KCNMA1: variants seen among roughly 807,000 people sequenced by gnomAD.
KCNMA1 encodes potassium calcium-activated channel subfamily M alpha 1.
Under a neutral mutation model 140.0 loss-of-function variants are expected in KCNMA1, and 29 were observed. That is an observed-to-expected ratio of 0.21 (90% CI 0.15 to 0.28). KCNMA1 has a LOEUF of 0.28. Among genes scored for constraint, KCNMA1 ranks in the 10% least tolerant of loss-of-function variants. The pLI, the probability that KCNMA1 is intolerant of heterozygous loss-of-function variation, is 1.00. For missense variants in KCNMA1, 880 were observed against 1,602.2 expected (o/e 0.55, Z 7.70); for synonymous variants, 612 against 611.9 (o/e 1.00, Z 0.00).
At chr10:77,289,709 T>C (rs967208794) in intron 2 of KCNMA1, among the ~76,000 whole-genome samples, 1 of 152,208 alleles carries the variant, frequency 6.6e-6, no homozygotes, top group Non-Finnish European at 1.5e-5. Flanking sequence ...ACTAATTTAA[T>C]AGATATAGTT....
rs2095152762 is a variant in KCNMA1, at chr10:77,376,948, A to ATACATAC, written c.540+26913_540+26914insGTATGTA. Among the ~76,000 whole-genome samples, 136 of 148,430 alleles carry ATACATAC rather than the reference A, an allele frequency of 9.2e-4. 1 individual carries two copies. The highest frequency in any genetic ancestry group is 2.6e-3 in the African/African-American group (104 of 39,948). ...GCAAGATTCCCTCTCAAAATAAATA[A>ATACATAC]ATACATACATACATACATACATACA... On this transcript the variant is annotated intron_variant, in intron 2 of 27. Coordinates refer to ENST00000286628, the MANE Select transcript of KCNMA1 (RefSeq NM_001161352.2).
At chr10:77,157,596 T>C (rs1326895182) in intron 5 of KCNMA1, among the ~76,000 whole-genome samples, 2 of 152,184 alleles carry the variant, frequency 1.3e-5, no homozygotes, top group Non-Finnish European at 2.9e-5. Flanking sequence ...TTGCTTTACT[T>C]GATCATATGA....
intron 20 of KCNMA1, among the ~76,000 whole-genome samples, chr10:76,960,629 T>G (rs796429732): frequency 2.0e-4 from 29 of 148,426 alleles, no homozygotes; most frequent in African/African-American, 2.5e-4. Context: ...TTTTTTTTTT[T>G]TTTTTTTTTT....
intron 1 of KCNMA1, among the ~76,000 whole-genome samples, chr10:77,598,668 G>C (rs552838003): frequency 1.3e-5 from 2 of 152,224 alleles, no homozygotes; most frequent in African/African-American, 4.8e-5. Flanking sequence ...GAGCAGTGTG[G>C]AGGGGAGGGG....
At chr10:77,285,396 A>G (rs1284007007) in intron 2 of KCNMA1, among the ~76,000 whole-genome samples, 1 of 152,176 alleles carries the variant, frequency 6.6e-6, no homozygotes, top group African/African-American at 2.4e-5. Flanking sequence ...AAACTTTGAG[A>G]GAAAGAATAA....
chr10:76,927,331 C>T (rs2058021324), intron 23 of KCNMA1, among the ~76,000 whole-genome samples: 1 of 152,138 alleles, frequency 6.6e-6, no homozygotes, highest in Non-Finnish European at 1.5e-5. Context: ...ATTAAACAAA[C>T]ACTATGGGCT....
At chr10:77,322,857 T>A (rs953595557) in intron 2 of KCNMA1, among the ~76,000 whole-genome samples, 1 of 152,128 alleles carries the variant, frequency 6.6e-6, no homozygotes, top group Non-Finnish European at 1.5e-5. Context: ...CCCTGGGCAA[T>A]CCAATGCACA....
At chr10:77,333,361 A>G (rs2087336002) in intron 2 of KCNMA1, among the ~76,000 whole-genome samples, 2 of 149,962 alleles carry the variant, frequency 1.3e-5, no homozygotes, top group Admixed American at 1.3e-4. Context: ...AAAAAAAAAA[A>G]AAAGAAAAAA....
chr10:77,027,964 A>T, intron 15 of KCNMA1, 73 bp from the exon 16 acceptor site: 5 of 1,306,348 alleles, frequency 3.8e-6, no homozygotes, highest in Non-Finnish European at 5.5e-6. Flanking sequence ...CACTATTACG[A>T]TCTTTCGGTC....
chr10:77,500,981 G>T (rs907076404), intron 1 of KCNMA1, among the ~76,000 whole-genome samples: 2 of 152,172 alleles, frequency 1.3e-5, no homozygotes, highest in Non-Finnish European at 2.9e-5. Flanking sequence ...ACCTATCGCA[G>T]ACCTGACCGA....
intron 21 of KCNMA1, 67 bp downstream of exon 21, chr10:76,953,734 C>T: frequency 1.9e-6 from 3 of 1,606,080 alleles, no homozygotes. Context: ...ACTAGGGAAA[C>T]CCCATTCCTA....
chr10:77,587,132 T>C (rs1406518032), intron 1 of KCNMA1: 1 of 152,214 alleles, frequency 6.6e-6, no homozygotes, highest in East Asian at 1.9e-4. Context: ...AATACTTGGA[T>C]GGAAGAAACA....
In KCNMA1 at chr10:77,118,687, C is replaced by T. The variant is rs11002022; in HGVS notation, c.884+2286G>A. On this transcript the variant is annotated intron_variant, in intron 6 of 27. Coordinates refer to ENST00000286628, the MANE Select transcript of KCNMA1 (RefSeq NM_001161352.2). ...GCTTACCTAAAAGTAACCTTCTCCT[C>T]GAAAAGATCCTTGACTGCCCTGCAA... Among the ~76,000 whole-genome samples the T allele has an allele frequency of 0.045, 6,849 of 152,228 alleles. 857 individuals are homozygous for T. In the East Asian group the frequency reaches 0.5, roughly 11 times the overall value.
At chr10:77,533,074 T>A (rs2058067132) in intron 1 of KCNMA1, among the ~76,000 whole-genome samples, 9 of 152,194 alleles carry the variant, frequency 5.9e-5, no homozygotes, top group Admixed American at 5.9e-4. Context: ...TAATAAATGT[T>A]TGAAAATATT....
chr10:77,185,303 C>CT (rs1336883072), intron 3 of KCNMA1, among the ~76,000 whole-genome samples: 1 of 152,052 alleles, frequency 6.6e-6, no homozygotes, highest in African/African-American at 2.4e-5. Flanking sequence ...TGAGAGGACA[C>CT]ATACTAAAGC....
chr10:76,976,469 C>T (rs2153219911), intron 19 of KCNMA1, among the ~76,000 whole-genome samples: 1 of 152,226 alleles, frequency 6.6e-6, no homozygotes, highest in East Asian at 1.9e-4. Flanking sequence ...GAACAGAATC[C>T]ACATGACATG....
At chr10:77,422,611 G>A (rs2096891049) in intron 1 of KCNMA1, among the ~76,000 whole-genome samples, 1 of 152,214 alleles carries the variant, frequency 6.6e-6, no homozygotes, top group African/African-American at 2.4e-5. Context: ...CAGTTCCTGT[G>A]AAGGTAAGCC....
chr10:76,966,982 A>G (rs1163304819), intron 20 of KCNMA1, among the ~76,000 whole-genome samples: 1 of 152,216 alleles, frequency 6.6e-6, no homozygotes, highest in African/African-American at 2.4e-5. Flanking sequence ...TGACACTTAA[A>G]CACTAGGGTA....
At chr10:76,957,065 T>C (rs549918017) in intron 20 of KCNMA1, among the ~76,000 whole-genome samples, 24 of 145,854 alleles carry the variant, frequency 1.6e-4, no homozygotes, top group Non-Finnish European at 1.9e-4. Context: ...GAGGTGGAGC[T>C]TGCAGTGAGC....
Sources: gnomAD v4.1 joint callset for allele counts (sites outside exome capture counted in the v4.1 genomes callset) on GRCh38, gnomAD v4.1.1 for gene constraint, MANE v1.5 for transcripts, NCBI Gene and HGNC (gene_info 2026-07-23, HGNC 2026-07-21) for gene names.